Variants in TRIM25 observed in about 807,000 individuals in gnomAD.
TRIM25 encodes E3 ubiquitin/ISG15 ligase TRIM25.
TRIM25 carries 45 observed loss-of-function variants against 65.2 expected under a neutral mutation model. That is an observed-to-expected ratio of 0.69 (90% CI 0.54 to 0.89). TRIM25 has a LOEUF of 0.89. TRIM25 is among the 40% of genes least tolerant of loss of function. The pLI is 0.00. For missense variants in TRIM25, 714 were observed against 803.7 expected, an observed-to-expected ratio of 0.89 and a Z score of 1.35; for synonymous variants, 321 against 340.4, an observed-to-expected ratio of 0.94 and a Z score of 0.63.
At chr17:56,892,315 C>T in intron 8 of TRIM25, 86 bp from the exon 9 acceptor site, 1 of 1,450,422 alleles carries the variant, frequency 6.9e-7, no homozygotes, top group South Asian at 1.3e-5. Flanking sequence ...TATTTATTCA[C>T]TAGTTTTATC....
Position 56,913,576 on chromosome 17 carries a change from G to C in TRIM25, c.413C>G (p.Pro138Arg). 1 of 1,612,206 alleles carries C rather than the reference G, an allele frequency of 6.2e-7. No homozygotes were observed. The highest frequency in any genetic ancestry group is 8.5e-7 in the Non-Finnish European group (1 of 1,178,916). ...QEHLQPHFDSPAFQDHPLQPP... is the reference protein window; with the variant it reads ...QEHLQPHFDSRAFQDHPLQPP... The stretch of plus-strand genomic sequence containing the variant: ...CTGCAGCGGGTGGTCCTGGAAGGCG[G>C]GGCTGTCGAAGTGCGGCTGCAGGTG... Residue 138 changes from proline to arginine, a missense_variant, in exon 1 of 9, where the codon CCC becomes CGC. Physicochemically the swap from Pro to Arg is moderately radical, Grantham distance 103. Coordinates refer to ENST00000316881, the MANE Select transcript of TRIM25 (RefSeq NM_005082.5). This position sits in a 1 kb window ranked among gnomAD's most constrained non-coding sequence, Gnocchi z 6.1.
At chr17:56,894,566 A>G (rs1206879789) in intron 8 of TRIM25, among the ~76,000 whole-genome samples, 5 of 152,188 alleles carry the variant, frequency 3.3e-5, no homozygotes, top group Non-Finnish European at 5.9e-5. Context: ...TTGTATTTTT[A>G]ACAAGCATTC....
At chr17:56,892,853 G>A (rs1909209754) in intron 8 of TRIM25, among the ~76,000 whole-genome samples, 2 of 152,182 alleles carry the variant, frequency 1.3e-5, no homozygotes, top group South Asian at 4.1e-4. Context: ...AACAAGCAAG[G>A]CAAGTCCATC....
intron 5 of TRIM25, among the ~76,000 whole-genome samples, chr17:56,897,636 G>A (rs1346648530): frequency 6.6e-6 from 1 of 152,074 alleles, no homozygotes; most frequent in Non-Finnish European, 1.5e-5. Flanking sequence ...CCCCATTTCA[G>A]CCTAGAGGAG....
rs1046929069 is a variant in TRIM25 at position 56,888,570 on chromosome 17, A to T, written c.*3130T>A. The T allele has an allele frequency of 6.6e-6, 1 of 152,102 alleles. No homozygotes were observed. Among genetic ancestry groups the T allele is most frequent in the Non-Finnish European group, 1.5e-5 (1 of 68,022 alleles). 9.4% of individuals were successfully genotyped at this position (152,102 alleles called of 1,614,324 possible). On this transcript the variant is annotated 3_prime_UTR_variant, in exon 9 of 9. Coordinates refer to ENST00000316881, the MANE Select transcript of TRIM25 (RefSeq NM_005082.5). The stretch of plus-strand genomic sequence containing the variant: ...CAACAGTAAAATGAATAATATAATG[A>T]ACCCTCACACCTCCATCCCTAGTAA...
In TRIM25 at chr17:56,891,804, C is replaced by G. The variant is rs1341527830; in HGVS notation, c.1789G>C (p.Val597Leu). Residue 597 changes from valine to leucine, a missense_variant, in exon 9 of 9, where the codon GTC becomes CTC. Around this residue, in one of 3 missense-constraint regions of TRIM25, gnomAD observed 413 missense variants for 498.2 expected, o/e 0.83. Coordinates refer to ENST00000316881, the MANE Select transcript of TRIM25 (RefSeq NM_005082.5). ...FVIFFAVADK[V>L]HLMYKFRVDF... ...ACCCTGAACTTATACATCAGGTGGA[C>G]CTTGTCGGCAACAGCGAAGAAGATG... 11 of 1,614,086 alleles carry G rather than the reference C, an allele frequency of 6.8e-6. No individual in the cohort carries two copies. Among genetic ancestry groups the G allele is most frequent in the Non-Finnish European group, 9.3e-6 (11 of 1,180,050 alleles).
At position 56,908,537 on chromosome 17, in the gene TRIM25, G is replaced by A. The variant is rs1567842479; in HGVS notation, c.624C>T (p.Val208=). The part of the protein sequence containing the change: ...LEATLRHKLT[V]MYSQINGASR... Reference sequence around the variant, plus strand: ...ACGCCCCGTTGATCTGACTGTACATGACAGTTAGTTTGTGCCTCAGGGTGG... The same window carrying A: ...ACGCCCCGTTGATCTGACTGTACATAACAGTTAGTTTGTGCCTCAGGGTGG... Residue 208 remains valine (V), a synonymous_variant, in exon 2 of 9, where the codon GTC becomes GTT. Coordinates refer to ENST00000316881, the MANE Select transcript of TRIM25 (RefSeq NM_005082.5). 1 of 1,614,002 alleles carries A rather than the reference G, an allele frequency of 6.2e-7. No individual in the cohort carries two copies. The highest frequency in any genetic ancestry group is 1.3e-5 in the African/African-American group (1 of 75,044).
At chr17:56,894,753 G>C (rs991826477) in intron 8 of TRIM25, among the ~76,000 whole-genome samples, 22 of 152,204 alleles carry the variant, frequency 1.4e-4, no homozygotes, top group Non-Finnish European at 3.2e-4. Flanking sequence ...GAGAGCGTGT[G>C]GGGAGCAGAC....
intron 1 of TRIM25, among the ~76,000 whole-genome samples, chr17:56,910,312 G>T (rs1292199931): frequency 6.6e-6 from 1 of 152,214 alleles, no homozygotes; most frequent in Non-Finnish European, 1.5e-5. Flanking sequence ...ACATGTAGGG[G>T]TTGGAGGCAG....
chr17:56,910,086 T>G (rs568548942), intron 1 of TRIM25, among the ~76,000 whole-genome samples: 2 of 152,094 alleles, frequency 1.3e-5, no homozygotes, highest in Non-Finnish European at 2.9e-5. Flanking sequence ...ACACTACTAG[T>G]AACTGGCACA....
intron 3 of TRIM25, 77 bp from the exon 4 acceptor site, chr17:56,901,655 A>C: frequency 5.7e-6 from 9 of 1,577,260 alleles, no homozygotes; most frequent in Non-Finnish European, 7.8e-6. Context: ...CAACCCCAGG[A>C]GGCTCTCCCC....
At chr17:56,911,972 T>C (rs1027198153) in intron 1 of TRIM25, 1 of 152,090 alleles carries the variant, frequency 6.6e-6, no homozygotes, top group African/African-American at 2.4e-5. Flanking sequence ...GAGGCTGAGA[T>C]GGGAGGATCC....
In TRIM25 at chr17:56,914,007, G is replaced by T. The variant is rs764021363; in HGVS notation, c.-19C>A. The T allele has an allele frequency of 2.0e-6, 3 of 1,494,256 alleles. No individual in the cohort carries two copies. Among genetic ancestry groups the T allele is most frequent in the Non-Finnish European group, 2.7e-6 (3 of 1,116,324 alleles). The allele number at this position is 1,494,256 out of a possible 1,614,324, so 92.6% of individuals were successfully genotyped here. ...CTGCCATGGCGCTCCCAGGGGTCGG[G>T]ACACAACTGCTGCACCCGCGCTCCG... On this transcript the variant is annotated 5_prime_UTR_variant, in exon 1 of 9. Coordinates refer to ENST00000316881, the MANE Select transcript of TRIM25 (RefSeq NM_005082.5).
chr17:56,894,988 A>G (rs1453843147), intron 8 of TRIM25, among the ~76,000 whole-genome samples: 2 of 152,198 alleles, frequency 1.3e-5, no homozygotes, highest in East Asian at 3.8e-4. Context: ...AGGAGACAGG[A>G]GATGCAGGGC....
rs1275763138 is a variant in TRIM25, at chr17:56,890,884, C to A, written c.*816G>T. On this transcript the variant is annotated 3_prime_UTR_variant, in exon 9 of 9. Transcript: ENST00000316881. ...GGGAAGCAAGGCCTCCAGCAAAGCT[C>A]ATGGCTGCCACCAAAGCATCTCTGC... is the stretch of plus-strand genomic sequence containing the variant. The A allele has an allele frequency of 2.2e-6, 1 of 456,730 alleles. No homozygotes were observed. Among genetic ancestry groups the A allele is most frequent in the Non-Finnish European group, 4.4e-6 (1 of 226,980 alleles). The allele number at this position is 456,730 out of a possible 1,614,324, so 28.3% of individuals were successfully genotyped here. A position where few individuals can be genotyped will look rare whatever the true frequency, so the allele number is the denominator to read the frequency against.
Position 56,897,910 on chromosome 17 carries a change from C to T in TRIM25, c.1153+1205G>A, listed in dbSNP as rs1909325185. Among the ~76,000 whole-genome samples the T allele has an allele frequency of 2.6e-5, 4 of 152,334 alleles. No individual in the cohort carries two copies. The South Asian group carries it at 8.3e-4, about 32-fold the overall frequency. On this transcript the variant is annotated intron_variant, in intron 5 of 8. Transcript: ENST00000316881. ...GGCTCCCTCCTCCATCTGCACCAGG[C>T]ATCCCAGCCCTGACTCTGTTCCATT... is the stretch of plus-strand genomic sequence containing the variant.
intron 2 of TRIM25, among the ~76,000 whole-genome samples, chr17:56,906,244 C>T (rs935712689): frequency 2.0e-5 from 3 of 152,354 alleles, no homozygotes; most frequent in African/African-American, 7.2e-5. Context: ...CTTCCTGTCC[C>T]GCTCTCCTGC....
chr17:56,902,095 A>G (rs141462820), intron 3 of TRIM25, among the ~76,000 whole-genome samples: 6 of 152,370 alleles, frequency 3.9e-5, no homozygotes, highest in Non-Finnish European at 5.9e-5. Flanking sequence ...TACAGTATCA[A>G]GAAGCCTAGA....
chr17:56,891,206 A>G lies in TRIM25; in HGVS notation c.*494T>C. The G allele has an allele frequency of 2.9e-6, 1 of 343,968 alleles. No individual in the cohort carries two copies. The highest frequency in any genetic ancestry group is 8.0e-5 in the East Asian group (1 of 12,526). The allele number at this position is 343,968 out of a possible 1,614,324, so 21.3% of individuals were successfully genotyped here. On this transcript the variant is annotated 3_prime_UTR_variant, in exon 9 of 9. Transcript: ENST00000316881. The stretch of plus-strand genomic sequence containing the variant: ...AATAACCAGGAGATCAAGCCCCAAC[A>G]TGCGGGTAATGGAGTTTATGTAACA...
Sources: allele counts gnomAD v4.1 joint callset (sites outside exome capture counted in the v4.1 genomes callset), GRCh38; gene constraint gnomAD v4.1.1; regional missense constraint gnomAD v4.1.1; non-coding constraint Gnocchi (gnomAD v3.1); transcripts MANE v1.5; gene names NCBI Gene and HGNC (gene_info 2026-07-23, HGNC 2026-07-21).